FAM107A: variants seen among roughly 807,000 people sequenced by gnomAD.
The protein encoded by FAM107A is family with sequence similarity 107 member A, also known as actin-associated protein FAM107A.
A neutral mutation model predicts 13.7 loss-of-function variants in FAM107A; 19 were observed. The ratio of observed to expected loss-of-function variants is 1.38; its 90% CI spans 0.97 to 2.03. FAM107A has a LOEUF of 2.03. Ranked by LOEUF, FAM107A falls within the 30% of genes most tolerant of loss-of-function variation. FAM107A has a pLI of 0.00. For synonymous variants in FAM107A, 82 were observed against 74.5 expected (o/e 1.10, Z -0.52); for missense variants, 203 against 184.4 (o/e 1.10, Z -0.58).
At chr3:58,616,558 CACACACACA>C in intron 1 of FAM107A, among the ~76,000 whole-genome samples, 1 of 150,960 alleles carries the variant, frequency 6.6e-6, no homozygotes. Context: ...CACACACACA[CACACACACA>C]CCACCACTAC....
At chr3:58,577,696 TGGGAG>T, upstream of FAM107A, 1 of 985,264 alleles carries the variant, frequency 1.0e-6, no homozygotes, top group South Asian at 4.7e-5. The surrounding 1 kb of genome is among the most constrained non-coding windows in gnomAD (Gnocchi z 4.9). Context: ...TTGTTTCTTA[TGGGAG>T]GGTCAGGCAA....
At chr3:58,588,441 A>G (rs1007964111), upstream of FAM107A, among the ~76,000 whole-genome samples, 1 of 152,204 alleles carries the variant, frequency 6.6e-6, no homozygotes, top group African/African-American at 2.4e-5. Context: ...TCTGCTCCCC[A>G]GACACCATCC....
At chr3:58,588,689 T>C (rs1318003449), upstream of FAM107A, among the ~76,000 whole-genome samples, 1 of 152,228 alleles carries the variant, frequency 6.6e-6, no homozygotes, top group African/African-American at 2.4e-5. Flanking sequence ...TCAATAGCTC[T>C]TTGATCAAGC....
intron 1 of FAM107A, among the ~76,000 whole-genome samples, chr3:58,606,481 G>A (rs4479611): frequency 0.19 from 29,361 of 152,202 alleles, 3,499 homozygotes; most frequent in East Asian, 0.46. Flanking sequence ...TGCCTTCAAT[G>A]GCTCCCTATG....
upstream of FAM107A, among the ~76,000 whole-genome samples, chr3:58,580,189 T>C (rs1272484592): frequency 6.6e-6 from 1 of 152,038 alleles, no homozygotes; most frequent in Non-Finnish European, 1.5e-5. Flanking sequence ...GTCTTCTACA[T>C]ATTCAATGAA....
rs1388189201 is a variant in FAM107A at position 58,569,747 on chromosome 3, C to A, written c.114G>T (p.Val38=). ...LIKPKKLLNP[V]KASRSHQELH... is the part of the protein sequence containing the mutation. ...GCTCCTGGTGACTCCGAGAGGCCTT[C>A]ACGGGGTTCAGCAGCTTCTTGGGCT... The change falls in exon 2 of 4, where the codon GTG becomes GTT. Residue 38 remains valine (V), a synonymous_variant. Transcript: ENST00000360997. This position sits in a 1 kb window ranked among gnomAD's most constrained non-coding sequence, Gnocchi z 5.7. 1 of 1,614,150 alleles carries A rather than the reference C, an allele frequency of 6.2e-7. No homozygotes were observed. The highest frequency in any genetic ancestry group is 8.5e-7 in the Non-Finnish European group (1 of 1,180,024).
intron 1 of FAM107A, among the ~76,000 whole-genome samples, chr3:58,619,526 G>A (rs1187426402): frequency 3.3e-5 from 5 of 152,174 alleles, no homozygotes; most frequent in African/African-American, 1.2e-4. Context: ...GGCAGATGCT[G>A]TTGCCTGCTG....
At chr3:58,566,876 C>A in intron 3 of FAM107A, 181 bp from the exon 4 acceptor site, 1 of 614,914 alleles carries the variant, frequency 1.6e-6, no homozygotes, top group Non-Finnish European at 2.9e-6. Flanking sequence ...CCTTGTGCAG[C>A]CTGGTTCAAA....
At chr3:58,567,123 C>T (rs2063629721) in intron 3 of FAM107A, 85 bp downstream of exon 3, 2 of 1,504,376 alleles carry the variant, frequency 1.3e-6, no homozygotes, top group Admixed American at 1.7e-5. Flanking sequence ...CCTCTTCCCT[C>T]TTACTAGCTG....
upstream of FAM107A, among the ~76,000 whole-genome samples, chr3:58,591,223 G>C (rs1353296827): frequency 6.6e-6 from 1 of 152,166 alleles, no homozygotes; most frequent in East Asian, 1.9e-4. This position sits in a 1 kb window ranked among gnomAD's most constrained non-coding sequence, Gnocchi z 4.3. Flanking sequence ...GAAGGGAAAG[G>C]GGGTGGCTGG....
upstream of FAM107A, among the ~76,000 whole-genome samples, chr3:58,581,187 C>T (rs1438675124): frequency 6.6e-6 from 1 of 152,220 alleles, no homozygotes; most frequent in Admixed American, 6.5e-5. Flanking sequence ...GCTGGGGCAT[C>T]AAAGGGGGAA....
chr3:58,583,873 G>A (rs1458598754), intron 1 of FAM107A, among the ~76,000 whole-genome samples: 1 of 151,924 alleles, frequency 6.6e-6, no homozygotes, highest in Non-Finnish European at 1.5e-5. Flanking sequence ...CTAGAGACGA[G>A]ATCTCACTAT....
rs75500528 is a variant in FAM107A, at chr3:58,621,247, T to C, written c.-70+6169A>G. ...CAACCCCAGCATACGTGTTTGCGCC[T>C]GACCAGAGCCCTCAGGAATGTGGCC... On this transcript the variant is annotated intron_variant, in intron 1 of 3. Transcript: ENST00000465970. 9.4e-3 allele frequency among the ~76,000 whole-genome samples: 1,431 copies of C among 152,282 alleles called. 64 individuals carry two copies. The East Asian group carries it at 0.15, about 16-fold the overall frequency.
intron 1 of FAM107A, chr3:58,627,079 C>A: frequency 7.3e-7 from 1 of 1,368,690 alleles, no homozygotes; most frequent in Admixed American, 2.0e-5. Context: ...GGAGCCAGGA[C>A]CCAAGGGGCT....
intron 1 of FAM107A, among the ~76,000 whole-genome samples, chr3:58,608,245 G>A (rs1313009311): frequency 2.6e-5 from 4 of 152,026 alleles, no homozygotes; most frequent in African/African-American, 9.7e-5. Flanking sequence ...TCAATAAATA[G>A]TAGTTAAGAG....
At chr3:58,586,737 A>G in intron 1 of FAM107A, 1 of 1,060,662 alleles carries the variant, frequency 9.4e-7, no homozygotes, top group Non-Finnish European at 1.3e-6. Context: ...GAAGGTTAGG[A>G]AAGAAGCAGA....
upstream of FAM107A, among the ~76,000 whole-genome samples, chr3:58,587,286 G>A (rs751671450): frequency 7.9e-5 from 12 of 152,190 alleles, no homozygotes; most frequent in Non-Finnish European, 1.8e-4. Flanking sequence ...TTGGCCGCTG[G>A]CCTTGTTGAT....
At position 58,567,282 on chromosome 3, in the gene FAM107A, C is replaced by CCTT. The variant is rs752600757; in HGVS notation, c.250_252dup (p.Lys84dup). On this transcript the variant is annotated inframe_insertion, in exon 3 of 4. Transcript: ENST00000360997. ...TGCAGCCGCTTGGCTTCCAGCTCCTCCTTCTTCTTCTTGATGAGCTGGTTC... is the reference window on the plus strand; with the variant it reads ...TGCAGCCGCTTGGCTTCCAGCTCCTCCTTCTTCTTCTTCTTGATGAGCTGGTTC... 2 of 1,613,724 alleles carry CCTT rather than the reference C, an allele frequency of 1.2e-6. No homozygotes were observed. Among genetic ancestry groups the CCTT allele is most frequent in the South Asian group, 2.2e-5 (2 of 91,008 alleles).
At chr3:58,606,948 G>C (rs533344887) in intron 1 of FAM107A, 1 of 152,332 alleles carries the variant, frequency 6.6e-6, no homozygotes, top group Non-Finnish European at 1.5e-5. Flanking sequence ...GAGAAAAGTA[G>C]AGCCCTGAGA....
Sources: gnomAD v4.1 joint callset for allele counts (sites outside exome capture counted in the v4.1 genomes callset) on GRCh38, gnomAD v4.1.1 for gene constraint, Gnocchi (gnomAD v3.1) non-coding constraint, MANE v1.5 for transcripts, NCBI Gene and HGNC (gene_info 2026-07-23, HGNC 2026-07-21) for gene names.